SLC1A5: variants seen among roughly 807,000 people sequenced by gnomAD.
SLC1A5 encodes the protein neutral amino acid transporter B(0).
SLC1A5 carries 25 observed loss-of-function variants against 34.9 expected under a neutral mutation model. The ratio of observed to expected loss-of-function variants is 0.72; its 90% confidence interval spans 0.52 to 1.00. SLC1A5 has a LOEUF of 1.00. SLC1A5 is among the 50% of genes least tolerant of loss of function. The probability of loss-of-function intolerance (pLI) is 0.00; values close to 1 mark genes in which losing one functional copy is unlikely to be tolerated. For synonymous variants in SLC1A5, 351 were observed against 341.2 expected, an observed-to-expected ratio of 1.03 and a Z score of -0.32; for missense variants, 637 against 740.0, an observed-to-expected ratio of 0.86 and a Z score of 1.61.
Position 46,779,401 on chromosome 19 carries a change from G to T in SLC1A5, c.825-493C>A, listed in dbSNP as rs1252341556. The stretch of plus-strand genomic sequence containing the variant: ...ATCATGCCATTGCACTCCAGCCTGG[G>T]CAACAAGAGTGAAACTCCATCTCAA... On this transcript the variant is annotated intron_variant, in intron 4 of 7. Coordinates refer to ENST00000542575, the MANE Select transcript of SLC1A5 (RefSeq NM_005628.3). 3.6e-5 allele frequency among the ~76,000 whole-genome samples: 5 copies of T among 137,326 alleles called. No homozygotes were observed. In the Admixed American group the frequency reaches 3.9e-4, roughly 11 times the overall value. The allele number at this position is 137,326 out of a possible 152,430, so 90.1% of individuals were successfully genotyped here.
chr19:46,783,228 C>T (rs990875105), intron 3 of SLC1A5, among the ~76,000 whole-genome samples: 39 of 152,062 alleles, frequency 2.6e-4, no homozygotes, highest in Non-Finnish European at 5.0e-4. Flanking sequence ...CTTTGGGAGG[C>T]TAAGGTGGGC....
chr19:46,775,232 G>C lies in SLC1A5; in HGVS notation c.*278C>G. 8.8e-7 allele frequency: 1 copy of C among 1,134,194 alleles called. No individual in the cohort carries two copies. The allele number at this position is 1,134,194 out of a possible 1,614,324, so 70.3% of individuals were successfully genotyped here. A position where few individuals can be genotyped will look rare whatever the true frequency, so the allele number is the denominator to read the frequency against. On this transcript the variant is annotated 3_prime_UTR_variant, in exon 8 of 8. Coordinates refer to ENST00000542575, the MANE Select transcript of SLC1A5 (RefSeq NM_005628.3). ...CAGGGGAGGCCAGGCAGGTCACGGT[G>C]GGGACGCAGCAGAACATTATTTCTC...
At position 46,787,921 on chromosome 19, in the gene SLC1A5, C is replaced by G; in HGVS notation, c.45G>C (p.Ala15=). 1 of 1,576,710 alleles carries G rather than the reference C, an allele frequency of 6.3e-7. No homozygotes were observed. The highest frequency in any genetic ancestry group is 1.1e-5 in the South Asian group (1 of 87,068). Residue 15 remains alanine, a synonymous_variant, in exon 1 of 8, where the codon GCG becomes GCC. Coordinates refer to ENST00000542575, the MANE Select transcript of SLC1A5 (RefSeq NM_005628.3). This position sits in a 1 kb window ranked among gnomAD's most constrained non-coding sequence, Gnocchi z 5.2. ...CCAGGCCCCCGTTGGCGGTGGGCTCCGCCGCTGCGAGCCCCTTGGAGTCTC... is the reference window on the plus strand; with the variant it reads ...CCAGGCCCCCGTTGGCGGTGGGCTCGGCCGCTGCGAGCCCCTTGGAGTCTC... The part of the protein sequence containing the change: ...PPRDSKGLAA[A]EPTANGGLAL...
intron 3 of SLC1A5, among the ~76,000 whole-genome samples, chr19:46,783,390 C>T (rs958503343): frequency 2.0e-5 from 3 of 149,492 alleles, no homozygotes; most frequent in Admixed American, 6.7e-5. Context: ...CACTTGAACC[C>T]GGGAGGCGGA....
intron 4 of SLC1A5, 41 bp downstream of exon 4, chr19:46,782,342 T>TCCAACCCCCCCCCCCCCCCCCCCCCC: frequency 1.9e-6 from 1 of 523,372 alleles, no homozygotes; most frequent in Non-Finnish European, 3.5e-6. Context: ...AGACCGACCC[T>TCCAACCCCCCCCCCCCCCCCCCCCCC]CCAACCCCAC....
Position 46,787,493 on chromosome 19 carries a change from G to T in SLC1A5, c.473C>A (p.Ala158Asp). 6.3e-7 allele frequency: 1 copy of T among 1,584,140 alleles called. No individual in the cohort carries two copies. Among genetic ancestry groups the T allele is most frequent in the Admixed American group, 1.8e-5 (1 of 54,984 alleles). ...GLALALQPGA[A>D]SAAINASVGA... is the part of the protein sequence containing the mutation. The stretch of plus-strand genomic sequence containing the variant: ...CACGGAGGCGTTGATGGCGGCGGAG[G>T]CGGCGCCCGGCTGCAGAGCCAGCGC... The change falls in exon 1 of 8, where the codon GCC (alanine) becomes GAC (aspartate). Residue 158 changes from alanine to aspartate, a missense_variant. By Grantham distance (126) the Ala-to-Asp change is moderately radical. Coordinates refer to ENST00000542575, the MANE Select transcript of SLC1A5 (RefSeq NM_005628.3). The surrounding 1 kb of genome is among the most constrained non-coding windows in gnomAD (Gnocchi z 5.2).
intron 3 of SLC1A5, 110 bp from the exon 4 acceptor site, chr19:46,782,659 A>T (rs1303065859): frequency 7.8e-7 from 1 of 1,276,954 alleles, no homozygotes; most frequent in Non-Finnish European, 1.1e-6. Flanking sequence ...GGCAGCCCTC[A>T]GACCCCTTCC....
In SLC1A5 at chr19:46,778,725, GA is replaced by G; in HGVS notation, c.1007del (p.Phe336SerfsTer6). ...CCAGCGGCGTCACGATGCCCCACAG[GA>G]AGCGGTAGGGGTTTTTGCGGGTGAA... ...FLFTRKNPYR[F>X]LWGIVTPLAT... On this transcript the variant is annotated frameshift_variant, in exon 5 of 8. Transcript: ENST00000542575. LOFTEE classifies it high-confidence loss of function. 1 of 1,614,056 alleles carries G rather than the reference GA, an allele frequency of 6.2e-7. No individual in the cohort carries two copies. The highest frequency in any genetic ancestry group is 8.5e-7 in the Non-Finnish European group (1 of 1,180,004).
chr19:46,781,462 G>C (rs984636066), intron 4 of SLC1A5, among the ~76,000 whole-genome samples: 1 of 152,198 alleles, frequency 6.6e-6, no homozygotes, highest in East Asian at 1.9e-4. Flanking sequence ...GCCGGGCATG[G>C]TGGCGCATGC....
In SLC1A5 at chr19:46,779,819, G is replaced by A. The variant is rs148694599; in HGVS notation, c.825-911C>T. Among the ~76,000 whole-genome samples the A allele has an allele frequency of 3.3e-4, 50 of 150,588 alleles. No homozygotes were observed. The East Asian group carries it at 9.0e-3, about 27-fold the overall frequency. ...AGGTGAAGGCAGACAGATCGCTTGA[G>A]CCCAGGAGTTCAAGACCAGCCTGGG... On this transcript the variant is annotated intron_variant, in intron 4 of 7. Coordinates refer to ENST00000542575, the MANE Select transcript of SLC1A5 (RefSeq NM_005628.3).
intron 5 of SLC1A5, among the ~76,000 whole-genome samples, chr19:46,777,778 T>TG: frequency 6.6e-6 from 1 of 150,902 alleles, no homozygotes; most frequent in South Asian, 2.1e-4. Context: ...GTCTGTCCCT[T>TG]GGCCCAAGGC....
Position 46,784,707 on chromosome 19 carries a change from C to T in SLC1A5, c.567-148G>A, listed in dbSNP as rs76693964. On this transcript the variant is annotated intron_variant, in intron 1 of 7. Coordinates refer to ENST00000542575, the MANE Select transcript of SLC1A5 (RefSeq NM_005628.3). ...TACAGCCCCTACTCATGCCTCAGCC[C>T]GGCAGGGTTGGAACTAGGCTTGCAC... The T allele has an allele frequency of 6.9e-3, 10,781 of 1,552,502 alleles. 304 individuals are homozygous for T. The African/African-American group carries it at 0.087, about 12-fold the overall frequency.
intron 5 of SLC1A5, 46 bp from the exon 6 acceptor site, chr19:46,777,451 G>A (rs757084958): frequency 6.5e-7 from 1 of 1,533,384 alleles, no homozygotes; most frequent in Non-Finnish European, 8.8e-7. Flanking sequence ...GCTGACCGGG[G>A]CTCCGCCCAC....
At chr19:46,782,342 T>TGCCAACCCCCCC in intron 4 of SLC1A5, 41 bp downstream of exon 4, 1 of 523,370 alleles carries the variant, frequency 1.9e-6, no homozygotes, top group Non-Finnish European at 3.5e-6. Flanking sequence ...AGACCGACCC[T>TGCCAACCCCCCC]CCAACCCCAC....
Position 46,778,798 on chromosome 19 carries a change from C to G in SLC1A5, c.935G>C (p.Gly312Ala). Residue 312 changes from glycine to alanine, a missense_variant, in exon 5 of 8, where the codon GGT becomes GCT. By Grantham distance (60) the Gly-to-Ala change is moderately conservative (BLOSUM62 0). Transcript: ENST00000542575. ...LGKYILCCLL[G>A]HAIHGLLVLP... is the part of the protein sequence containing the mutation. ...TACCAGGAGCCCATGGATGGCGTGA[C>G]CCAGCAGGCAGCACAGAATGTACTT... 1.2e-6 allele frequency: 2 copies of G among 1,613,582 alleles called. No individual in the cohort carries two copies. The highest frequency in any genetic ancestry group is 1.7e-6 in the Non-Finnish European group (2 of 1,179,738).
rs1039982063 is a variant in SLC1A5, at chr19:46,776,854, C to T, written c.1388+121G>A. The T allele has an allele frequency of 2.1e-5, 24 of 1,138,000 alleles. No homozygotes were observed. The Admixed American group carries it at 3.8e-4, about 18-fold the overall frequency. 70.5% of individuals were successfully genotyped at this position (1,138,000 alleles called of 1,614,324 possible). On this transcript the variant is annotated intron_variant, in intron 7 of 7. Coordinates refer to ENST00000542575, the MANE Select transcript of SLC1A5 (RefSeq NM_005628.3). Reference sequence around the variant, plus strand: ...GAATGCTCAAGGTTCCCCCCATTTCCTCCAGAATTCCTTCCTTCTTCTCTT... The same window carrying T: ...GAATGCTCAAGGTTCCCCCCATTTCTTCCAGAATTCCTTCCTTCTTCTCTT...
At chr19:46,782,346 A>ACCCCCCCCCACCCCC in intron 4 of SLC1A5, 37 bp downstream of exon 4, 1 of 567,986 alleles carries the variant, frequency 1.8e-6, no homozygotes. Context: ...CGACCCTCCA[A>ACCCCCCCCCACCCCC]CCCCACCCAC....
At chr19:46,783,851 G>A (rs1166062485) in intron 3 of SLC1A5, among the ~76,000 whole-genome samples, 1 of 151,972 alleles carries the variant, frequency 6.6e-6, no homozygotes, top group African/African-American at 2.4e-5. Flanking sequence ...TGGATGGAAG[G>A]GGGCAGGGAG....
At position 46,788,302 on chromosome 19, in the gene SLC1A5, G is replaced by C. The variant is rs1212662329; in HGVS notation, c.-337C>G. 6.9e-6 allele frequency: 2 copies of C among 288,412 alleles called. No individual in the cohort carries two copies. The highest frequency in any genetic ancestry group is 1.3e-5 in the Non-Finnish European group (2 of 155,262). 17.9% of individuals were successfully genotyped at this position (288,412 alleles called of 1,614,324 possible). A position where few individuals can be genotyped will look rare whatever the true frequency, so the allele number is the denominator to read the frequency against. On this transcript the variant is annotated 5_prime_UTR_variant, in exon 1 of 8. Coordinates refer to ENST00000542575, the MANE Select transcript of SLC1A5 (RefSeq NM_005628.3). ...GTGGGACGTGGGGCCCTTGGCTCCA[G>C]GAGGTTGAGTGCCCCCAGATGGCGG...
Sources: gnomAD v4.1 joint callset for allele counts (sites outside exome capture counted in the v4.1 genomes callset) on GRCh38, gnomAD v4.1.1 for gene constraint, Gnocchi (gnomAD v3.1) non-coding constraint, MANE v1.5 for transcripts, NCBI Gene and HGNC (gene_info 2026-07-23, HGNC 2026-07-21) for gene names.